Variants in RANBP17 observed in about 807,000 individuals in gnomAD.
The protein encoded by RANBP17 is RAN binding protein 17.
RANBP17 carries 158 observed loss-of-function variants against 141.2 expected under a neutral mutation model. The ratio of observed to expected loss-of-function variants is 1.12; its 90% CI spans 0.98 to 1.28. RANBP17 has a LOEUF of 1.28. Among genes scored for constraint, RANBP17 ranks in the 50% most tolerant of loss-of-function variants. The pLI is 0.00. For missense variants in RANBP17, 1,438 were observed against 1,290.7 expected (o/e 1.11, Z -1.75); for synonymous variants, 430 against 450.0 (o/e 0.96, Z 0.56).
chr5:171,132,017 T>C (rs569608510), intron 14 of RANBP17, among the ~76,000 whole-genome samples: 2 of 152,336 alleles, frequency 1.3e-5, no homozygotes, highest in African/African-American at 4.8e-5. Flanking sequence ...GATAAACACA[T>C]GTAATTTTTT....
chr5:170,933,784 T>G (rs1270395910), intron 12 of RANBP17, among the ~76,000 whole-genome samples: 1 of 152,198 alleles, frequency 6.6e-6, no homozygotes, highest in African/African-American at 2.4e-5. Flanking sequence ...AGAGACAGTT[T>G]GTTATAATTT....
rs539577911 is a variant in RANBP17 at position 170,897,659 on chromosome 5, T to C, written c.489+1544T>C. On this transcript the variant is annotated intron_variant, in intron 5 of 27. Transcript: ENST00000523189. Reference sequence around the variant, plus strand: ...CTCACTTATGAGTAAGAACATGCAGTGTTTGGTTTTCTGTTCCTGTGTTAG... The same window carrying C: ...CTCACTTATGAGTAAGAACATGCAGCGTTTGGTTTTCTGTTCCTGTGTTAG... Among the ~76,000 whole-genome samples the C allele has an allele frequency of 2.0e-5, 3 of 150,628 alleles. No individual in the cohort carries two copies. The Admixed American group carries it at 2.0e-4, about 10-fold the overall frequency.
At chr5:170,945,472 G>A (rs911301313) in intron 12 of RANBP17, among the ~76,000 whole-genome samples, 1 of 152,078 alleles carries the variant, frequency 6.6e-6, no homozygotes, top group Non-Finnish European at 1.5e-5. Flanking sequence ...AATACCAGTT[G>A]GTGCTTGTCA....
intron 14 of RANBP17, among the ~76,000 whole-genome samples, chr5:171,147,339 TTGTGTGTGTG>T (rs59202388): frequency 0.02 from 2,085 of 104,852 alleles, 59 homozygotes; most frequent in African/African-American, 0.06. Flanking sequence ...CTTGGTTGTT[TTGTGTGTGTG>T]TGTGTGTGTG....
At chr5:171,110,929 T>A in intron 14 of RANBP17, among the ~76,000 whole-genome samples, 1 of 151,926 alleles carries the variant, frequency 6.6e-6, no homozygotes, top group Non-Finnish European at 1.5e-5. Context: ...GTTACATATG[T>A]ATACATGTGC....
intron 14 of RANBP17, among the ~76,000 whole-genome samples, chr5:171,148,154 T>C (rs547371556): frequency 1.0e-3 from 154 of 152,108 alleles, no homozygotes; most frequent in African/African-American, 3.7e-3. Context: ...TTAAGGGCGG[T>C]GCAAGATGTG....
intron 3 of RANBP17, among the ~76,000 whole-genome samples, chr5:170,884,638 C>A (rs963828257): frequency 1.3e-5 from 2 of 151,488 alleles, no homozygotes; most frequent in African/African-American, 2.4e-5. Flanking sequence ...CTAGGTATAA[C>A]CTTATGGAAA....
At chr5:171,252,549 G>C in intron 24 of RANBP17, 3 of 1,402,996 alleles carry the variant, frequency 2.1e-6, no homozygotes, top group Non-Finnish European at 3.0e-6. Flanking sequence ...ACAAACGGAG[G>C]AAAGTTTAAA....
chr5:171,215,814 C>T (rs1763179883), intron 21 of RANBP17, among the ~76,000 whole-genome samples: 2 of 151,916 alleles, frequency 1.3e-5, no homozygotes, highest in Non-Finnish European at 2.9e-5. Context: ...AGACCATTGT[C>T]AGATGAGTAG....
intron 14 of RANBP17, among the ~76,000 whole-genome samples, chr5:171,022,862 G>A (rs908873667): frequency 2.0e-5 from 3 of 152,180 alleles, no homozygotes; most frequent in African/African-American, 7.2e-5. Flanking sequence ...GCTGAGAGGC[G>A]GTTGACAATC....
intron 12 of RANBP17, among the ~76,000 whole-genome samples, chr5:170,930,046 T>C (rs1239190020): frequency 1.3e-5 from 2 of 152,192 alleles, no homozygotes; most frequent in African/African-American, 4.8e-5. Flanking sequence ...GTCATTTTTT[T>C]CTTTTGTTCT....
intron 14 of RANBP17, among the ~76,000 whole-genome samples, chr5:171,106,789 A>G (rs1251824273): frequency 1.3e-5 from 2 of 152,108 alleles, no homozygotes; most frequent in Non-Finnish European, 2.9e-5. Context: ...AATTTTTTTT[A>G]ATGTTTGGGG....
At chr5:171,051,405 G>A (rs899022166) in intron 14 of RANBP17, among the ~76,000 whole-genome samples, 1 of 151,942 alleles carries the variant, frequency 6.6e-6, no homozygotes, top group East Asian at 1.9e-4. Flanking sequence ...TATTTCCCCT[G>A]CCCCTTGAAG....
chr5:170,953,801 T>G (rs1051610178), intron 13 of RANBP17, 99 bp downstream of exon 13: 1 of 745,742 alleles, frequency 1.3e-6, no homozygotes, highest in African/African-American at 1.8e-5. Context: ...GTATGTGGCC[T>G]TTTGAGGAAG....
At chr5:171,228,301 G>A (rs1398129211) in intron 22 of RANBP17, among the ~76,000 whole-genome samples, 5 of 152,206 alleles carry the variant, frequency 3.3e-5, no homozygotes, top group Non-Finnish European at 7.3e-5. Flanking sequence ...ACCCTCATGG[G>A]TGACTTTGAA....
intron 12 of RANBP17, among the ~76,000 whole-genome samples, chr5:170,937,593 G>A (rs1773982702): frequency 6.6e-6 from 1 of 152,170 alleles, no homozygotes; most frequent in Admixed American, 6.5e-5. Flanking sequence ...CCAGGCCATT[G>A]CAACAACATG....
At position 171,186,300 on chromosome 5, in the gene RANBP17, A is replaced by C. The variant is rs149739826; in HGVS notation, c.2038+2870A>C. Among the ~76,000 whole-genome samples, 214 of 152,188 alleles carry C rather than the reference A, an allele frequency of 1.4e-3. 3 individuals carry two copies. Among genetic ancestry groups the C allele is most frequent in the East Asian group, 5.8e-3 (30 of 5,148 alleles). ...CACTTTCATCAATGGTCTTAGCTAGATCTTCAGTATAACTCACTGCAGCTT... is the reference window on the plus strand; with the variant it reads ...CACTTTCATCAATGGTCTTAGCTAGCTCTTCAGTATAACTCACTGCAGCTT... On this transcript the variant is annotated intron_variant, in intron 18 of 27. Coordinates refer to ENST00000523189, the MANE Select transcript of RANBP17 (RefSeq NM_022897.5).
intron 16 of RANBP17, 63 bp downstream of exon 16, chr5:171,171,349 C>A: frequency 2.3e-6 from 2 of 883,046 alleles, no homozygotes; most frequent in Non-Finnish European, 3.5e-6. Context: ...ATTTAATTAA[C>A]CAGGTATTCT....
intron 14 of RANBP17, 47 bp downstream of exon 14, chr5:170,968,424 A>C (rs751060756): frequency 1.3e-6 from 2 of 1,523,226 alleles, no homozygotes; most frequent in Non-Finnish European, 1.8e-6. Context: ...GGGATGAAGA[A>C]AGATGTACAT....
Sources: gnomAD v4.1 joint callset for allele counts (sites outside exome capture counted in the v4.1 genomes callset) on GRCh38, gnomAD v4.1.1 for gene constraint, MANE v1.5 for transcripts, NCBI Gene and HGNC (gene_info 2026-07-23, HGNC 2026-07-21) for gene names.